The following CHMP4C variants were observed in gnomAD, a reference collection of about 807,000 sequenced individuals.
CHMP4C encodes SNF7 homolog associated with Alix 3.
In CHMP4C, 28 loss-of-function variants were observed where a neutral mutation model predicts 29.0. That is an observed-to-expected ratio of 0.97 (90% CI 0.72 to 1.32). The LOEUF (loss-of-function observed/expected upper bound fraction) is 1.32, where lower values mean the gene tolerates loss of function less well. Ranked by LOEUF, CHMP4C falls within the 40% of genes most tolerant of loss-of-function variation. The pLI, the probability that CHMP4C is intolerant of heterozygous loss-of-function variation, is 0.00. For missense variants in CHMP4C, 291 were observed against 281.0 expected, an observed-to-expected ratio of 1.04 and a Z score of -0.25; for synonymous variants, 106 against 102.4, an observed-to-expected ratio of 1.04 and a Z score of -0.21.
At chr8:81,735,369 A>G (rs1031864381) in intron 1 of CHMP4C, among the ~76,000 whole-genome samples, 2 of 152,230 alleles carry the variant, frequency 1.3e-5, no homozygotes, top group African/African-American at 4.8e-5. Context: ...TGCGTTGGTA[A>G]CACGCTCAAT....
intron 1 of CHMP4C, among the ~76,000 whole-genome samples, chr8:81,738,540 G>T (rs1401533415): frequency 6.6e-6 from 1 of 152,118 alleles, no homozygotes; most frequent in Non-Finnish European, 1.5e-5. Context: ...AACCTCCTCG[G>T]TCTCTTAATT....
At position 81,758,993 on chromosome 8, in the gene CHMP4C, T is replaced by G. The variant is rs1809007302; in HGVS notation, c.*449T>G. On this transcript the variant is annotated 3_prime_UTR_variant, in exon 5 of 5. Coordinates refer to ENST00000297265, the MANE Select transcript of CHMP4C (RefSeq NM_152284.4). ...TCCAGACTGGGCAACAGAGGGAGAC[T>G]CCGTCTCAAAAACTAAAAAAAAAAA... 1 of 129,320 alleles carries G rather than the reference T, an allele frequency of 7.7e-6. No homozygotes were observed. The highest frequency in any genetic ancestry group is 2.9e-5 in the African/African-American group (1 of 34,052). 8.0% of individuals were successfully genotyped at this position (129,320 alleles called of 1,614,324 possible).
At chr8:81,741,368 C>A (rs191047764) in intron 1 of CHMP4C, among the ~76,000 whole-genome samples, 15 of 152,198 alleles carry the variant, frequency 9.9e-5, no homozygotes, top group Non-Finnish European at 1.9e-4. Flanking sequence ...GTATTACTAA[C>A]ACCATGATTA....
intron 1 of CHMP4C, among the ~76,000 whole-genome samples, chr8:81,749,173 C>T (rs1808866793): frequency 6.6e-6 from 1 of 152,020 alleles, no homozygotes; most frequent in Non-Finnish European, 1.5e-5. Flanking sequence ...GAGGGATTTG[C>T]ACTCTGGTGT....
chr8:81,739,440 A>C (rs1006599892), intron 1 of CHMP4C, among the ~76,000 whole-genome samples: 1 of 150,732 alleles, frequency 6.6e-6, no homozygotes, highest in Non-Finnish European at 1.5e-5. Context: ...GAAAAAAAAA[A>C]AGTCTTATCC....
intron 3 of CHMP4C, 101 bp from the exon 4 acceptor site, chr8:81,758,041 C>G: frequency 9.8e-7 from 1 of 1,023,990 alleles, no homozygotes; most frequent in Non-Finnish European, 1.5e-6. Flanking sequence ...TCACTGGGTT[C>G]TCACATATCA....
At chr8:81,738,243 A>G (rs73694773) in intron 1 of CHMP4C, among the ~76,000 whole-genome samples, 2,477 of 152,266 alleles carry the variant, frequency 0.016, 70 homozygotes, top group African/African-American at 0.055. Context: ...GCTGATAAGG[A>G]TTAAGGGTTG....
intron 1 of CHMP4C, among the ~76,000 whole-genome samples, chr8:81,737,427 A>T (rs1036172477): frequency 6.6e-6 from 1 of 152,224 alleles, no homozygotes; most frequent in African/African-American, 2.4e-5. Context: ...GCTAAAGGGT[A>T]TCAATATCTC....
chr8:81,739,393 C>CG (rs1808733019), intron 1 of CHMP4C, among the ~76,000 whole-genome samples: 1 of 111,928 alleles, frequency 8.9e-6, no homozygotes, highest in African/African-American at 3.7e-5. Context: ...GTACCATACT[C>CG]GGTATTCTAA....
At chr8:81,733,211 A>G (rs1808641879) in intron 1 of CHMP4C, among the ~76,000 whole-genome samples, 10 of 152,106 alleles carry the variant, frequency 6.6e-5, no homozygotes, top group Admixed American at 6.6e-4. Context: ...ATTATTTTTT[A>G]TAATGTGATG....
At chr8:81,736,090 AATAAATAAAT>A (rs1475469207) in intron 1 of CHMP4C, among the ~76,000 whole-genome samples, 1 of 224 alleles carries the variant, frequency 4.5e-3, no homozygotes, top group African/African-American at 0.011. Context: ...TGTCTCAATA[AATAAATAAAT>A]AAATAAATAA....
In CHMP4C at chr8:81,732,555, T is replaced by G; in HGVS notation, c.-72T>G. 8.4e-7 allele frequency: 1 copy of G among 1,191,938 alleles called. No individual in the cohort carries two copies. The highest frequency in any genetic ancestry group is 1.2e-6 in the Non-Finnish European group (1 of 860,286). The allele number at this position is 1,191,938 out of a possible 1,614,324, so 73.8% of individuals were successfully genotyped here. On this transcript the variant is annotated 5_prime_UTR_variant, in exon 1 of 5. Transcript: ENST00000297265. ...CCCCGAGAGGACTGCCTTGCTCACC[T>G]GTCCCCTCGGCGCGGCCCCGGGGAG...
intron 1 of CHMP4C, among the ~76,000 whole-genome samples, chr8:81,752,212 A>G (rs1367942505): frequency 6.6e-6 from 1 of 152,150 alleles, no homozygotes; most frequent in Non-Finnish European, 1.5e-5. Context: ...TGCCAATTCC[A>G]TTTAATTATC....
At chr8:81,740,548 G>T (rs948534026) in intron 1 of CHMP4C, among the ~76,000 whole-genome samples, 4 of 152,092 alleles carry the variant, frequency 2.6e-5, no homozygotes, top group Admixed American at 2.6e-4. Context: ...CGGAGCTAAG[G>T]CATAATCCCA....
chr8:81,732,814 G>A lies in CHMP4C; in HGVS notation c.188G>A (p.Arg63Gln), dbSNP rs1234207716. Residue 63 changes from arginine (R) to glutamine (Q), a missense_variant and splice_region_variant, in exon 1 of 5, where the codon CGA becomes CAA. Arg to Gln is a conservative substitution (Grantham distance 43). Coordinates refer to ENST00000297265, the MANE Select transcript of CHMP4C (RefSeq NM_152284.4). The stretch of plus-strand genomic sequence containing the variant: ...AAGAAGCACGGCACGCAGAATAAGC[G>A]AGGTAGGCTGGGGTCTGGCCCACAG... ...LAKKHGTQNK[R>Q]AALQALKRKK... 2 of 1,610,930 alleles carry A rather than the reference G, an allele frequency of 1.2e-6. No homozygotes were observed. Among genetic ancestry groups the A allele is most frequent in the Non-Finnish European group, 1.7e-6 (2 of 1,178,754 alleles).
chr8:81,756,574 G>C (rs1203624247), intron 3 of CHMP4C, among the ~76,000 whole-genome samples: 1 of 152,080 alleles, frequency 6.6e-6, no homozygotes, highest in African/African-American at 2.4e-5. Flanking sequence ...TGATAATGAA[G>C]ATTTTTGGAT....
chr8:81,754,693 C>T (rs1360702978), intron 2 of CHMP4C, among the ~76,000 whole-genome samples: 3 of 152,094 alleles, frequency 2.0e-5, no homozygotes, highest in Admixed American at 1.3e-4. Context: ...CATGCTTAGG[C>T]GGGTGTTTAG....
intron 1 of CHMP4C, among the ~76,000 whole-genome samples, chr8:81,735,996 T>C (rs566762388): frequency 6.6e-6 from 1 of 151,672 alleles, no homozygotes; most frequent in African/African-American, 2.4e-5. Flanking sequence ...TGAGGCAAAA[T>C]AATTGCTTGA....
At position 81,758,694 on chromosome 8, in the gene CHMP4C, A is replaced by G. The variant is rs1809002751; in HGVS notation, c.*150A>G. On this transcript the variant is annotated 3_prime_UTR_variant, in exon 5 of 5. Transcript: ENST00000297265. ...TAAGCCTCCTAAGTAAAAGTAAAAAAGGAGTCATGTGCATACATAGAATCA... is the reference window on the plus strand; with the variant it reads ...TAAGCCTCCTAAGTAAAAGTAAAAAGGGAGTCATGTGCATACATAGAATCA... The G allele has an allele frequency of 3.1e-6, 2 of 637,260 alleles. No individual in the cohort carries two copies. Among genetic ancestry groups the G allele is most frequent in the Non-Finnish European group, 2.7e-6 (1 of 365,040 alleles). The allele number at this position is 637,260 out of a possible 1,614,324, so 39.5% of individuals were successfully genotyped here. A position where few individuals can be genotyped will look rare whatever the true frequency, so the allele number is the denominator to read the frequency against.
Sources: gnomAD v4.1 joint callset for allele counts (sites outside exome capture counted in the v4.1 genomes callset) on GRCh38, gnomAD v4.1.1 for gene constraint, MANE v1.5 for transcripts, NCBI Gene and HGNC (gene_info 2026-07-23, HGNC 2026-07-21) for gene names.